SETD2: variants seen among roughly 807,000 people sequenced by gnomAD.
SETD2 encodes the protein histone-lysine N-methyltransferase SETD2.
Under a neutral mutation model 242.1 loss-of-function variants are expected in SETD2, and 31 were observed. That is an observed-to-expected ratio of 0.13 (90% confidence interval 0.10 to 0.17). The LOEUF (loss-of-function observed/expected upper bound fraction) is 0.17. Ranked by LOEUF, SETD2 falls within the 10% of genes least tolerant of loss-of-function variation. The probability of loss-of-function intolerance (pLI) is 1.00; values close to 1 mark genes in which losing one functional copy is unlikely to be tolerated. For missense variants in SETD2, 2,481 were observed against 3,046.3 expected, an observed-to-expected ratio of 0.81 and a Z score of 4.37; for synonymous variants, 1,006 against 1,066.5, an observed-to-expected ratio of 0.94 and a Z score of 1.11.
chr3:47,080,882 G>A (rs1009880754), intron 12 of SETD2: 3 of 986,860 alleles, frequency 3.0e-6, no homozygotes, highest in East Asian at 1.1e-4. Flanking sequence ...TAACGCCGGC[G>A]CCAGTGAGTT....
At chr3:47,159,675 C>CTGTA (rs1170649587) in intron 1 of SETD2, among the ~76,000 whole-genome samples, 1 of 152,188 alleles carries the variant, frequency 6.6e-6, no homozygotes, top group Non-Finnish European at 1.5e-5. Context: ...CTTTACAAGA[C>CTGTA]TGTAAAAAAG....
intron 8 of SETD2, chr3:47,098,376 T>C (rs2042085727): frequency 4.5e-6 from 1 of 221,380 alleles, no homozygotes; most frequent in Admixed American, 5.3e-5. Context: ...ATCATATACA[T>C]GTTTGGATTA....
At chr3:47,103,060 CAT>C (rs2042276417) in intron 7 of SETD2, among the ~76,000 whole-genome samples, 1 of 152,130 alleles carries the variant, frequency 6.6e-6, no homozygotes, top group African/African-American at 2.4e-5. Context: ...ATACGGTCTT[CAT>C]ATTACTTAAT....
At chr3:47,019,923 T>C (rs1221090492) in intron 18 of SETD2, 83 bp from the exon 19 acceptor site, 2 of 1,185,046 alleles carry the variant, frequency 1.7e-6, no homozygotes, top group East Asian at 2.3e-5. Context: ...CCCTCCTTTC[T>C]TTCCCCTAGC....
chr3:47,050,721 C>CTTTTTT (rs1207924691), intron 15 of SETD2, among the ~76,000 whole-genome samples: 5 of 70,376 alleles, frequency 7.1e-5, no homozygotes, highest in Admixed American at 1.4e-4. Flanking sequence ...CATTTCCTCT[C>CTTTTTT]TCTTTTTTTT....
At chr3:47,088,778 A>G (rs1410958272) in intron 9 of SETD2, among the ~76,000 whole-genome samples, 1 of 152,228 alleles carries the variant, frequency 6.6e-6, no homozygotes, top group South Asian at 2.1e-4. Flanking sequence ...AAAATAAAGC[A>G]TTAGCCTGAA....
intron 17 of SETD2, among the ~76,000 whole-genome samples, chr3:47,040,281 T>C (rs934963922): frequency 4.6e-5 from 7 of 152,094 alleles, no homozygotes; most frequent in South Asian, 2.1e-4. Context: ...ACCCAGCCTA[T>C]AGAAGCATTT....
At chr3:47,030,436 C>T (rs1385579825) in intron 18 of SETD2, among the ~76,000 whole-genome samples, 1 of 152,082 alleles carries the variant, frequency 6.6e-6, no homozygotes, top group Non-Finnish European at 1.5e-5. Context: ...ATGTGGTGCT[C>T]TGTGAGACAG....
chr3:47,127,658 T>G (rs921682078), intron 1 of SETD2: 1 of 364,512 alleles, frequency 2.7e-6, no homozygotes, highest in African/African-American at 2.1e-5. Context: ...GGTCAGGAGC[T>G]CGAGACCAGC....
rs903093178 is a variant in SETD2, at chr3:47,111,102, A to G, written c.4715+2774T>C. Among the ~76,000 whole-genome samples, 166 of 148,714 alleles carry G rather than the reference A, an allele frequency of 1.1e-3. 2 individuals carry two copies. Among genetic ancestry groups the G allele is most frequent in the Non-Finnish European group, 1.5e-3 (100 of 67,236 alleles). On this transcript the variant is annotated intron_variant, in intron 5 of 20. Coordinates refer to ENST00000409792, the MANE Select transcript of SETD2 (RefSeq NM_014159.7). ...TTTAAAAAAAAAAAAAAAAAAAAAA[A>G]AAAAAAAAATCTCAAGAAGGCCTGG...
intron 1 of SETD2, chr3:47,127,524 T>G (rs1435353322): frequency 2.2e-6 from 1 of 448,436 alleles, no homozygotes; most frequent in East Asian, 7.2e-5. Context: ...GTTCAGGAGT[T>G]CGAGACCACC....
chr3:47,081,119 T>C (rs2041298072), intron 12 of SETD2: 1 of 980,238 alleles, frequency 1.0e-6, no homozygotes, highest in Non-Finnish European at 1.2e-6. Flanking sequence ...AGGGGGATCA[T>C]CATCAGATCT....
At chr3:47,089,612 A>T (rs2041712677) in intron 9 of SETD2, among the ~76,000 whole-genome samples, 1 of 152,222 alleles carries the variant, frequency 6.6e-6, no homozygotes, top group Admixed American at 6.5e-5. Context: ...GGTGGGAATC[A>T]ACCTACCAAA....
In SETD2 at chr3:47,148,720, A is replaced by C. The variant is rs182993350; in HGVS notation, c.71+15134T>G. The stretch of plus-strand genomic sequence containing the variant: ...AATAAAAACCCCATTTTCCAGTAGG[A>C]AAAACTTTATAGACATCCAATCGAC... On this transcript the variant is annotated intron_variant, in intron 1 of 20. Transcript: ENST00000409792. 1.4e-3 allele frequency among the ~76,000 whole-genome samples: 218 copies of C among 152,346 alleles called. 4 individuals carry two copies. In the South Asian group the frequency reaches 0.023, roughly 16 times the overall value.
At chr3:47,025,030 CCA>C (rs1295982440) in intron 18 of SETD2, among the ~76,000 whole-genome samples, 1 of 152,214 alleles carries the variant, frequency 6.6e-6, no homozygotes, top group Non-Finnish European at 1.5e-5. Flanking sequence ...AATTATCTGA[CCA>C]TTATATGCCT....
rs763544216 is a variant in SETD2 at position 47,122,443 on chromosome 3, G to A, written c.2193C>T (p.Asp731=). Residue 731 remains aspartate (D), a synonymous_variant, in exon 3 of 21, where the codon GAC becomes GAT. Transcript: ENST00000409792. The stretch of plus-strand genomic sequence containing the variant: ...TATGCAGCATGCAGGTATCATCCAA[G>A]TCTTTTTCTTTGCACCTACTAATAT... ...FQNISRCKEK[D]LDDTCMLHKK... 6.2e-7 allele frequency: 1 copy of A among 1,614,124 alleles called. No individual in the cohort carries two copies. Among genetic ancestry groups the A allele is most frequent in the Non-Finnish European group, 8.5e-7 (1 of 1,180,014 alleles).
chr3:47,121,019 G>T lies in SETD2; in HGVS notation c.3617C>A (p.Ser1206Tyr), dbSNP rs2107748685. The change falls in exon 3 of 21, where the codon TCT becomes TAT. Residue 1206 changes from serine to tyrosine, a missense_variant. Coordinates refer to ENST00000409792, the MANE Select transcript of SETD2 (RefSeq NM_014159.7). ...SRQQEELPIY[S>Y]SDFEDVPNKS... Reference sequence around the variant, plus strand: ...ATTTGGGACATCTTCAAAATCAGAAGAATAAATTGGCAGCTCTTCTTGCTG... The same window carrying T: ...ATTTGGGACATCTTCAAAATCAGAATAATAAATTGGCAGCTCTTCTTGCTG... 2 of 1,614,212 alleles carry T rather than the reference G, an allele frequency of 1.2e-6. No homozygotes were observed. The highest frequency in any genetic ancestry group is 1.7e-6 in the Non-Finnish European group (2 of 1,180,016).
At position 47,084,133 on chromosome 3, in the gene SETD2, T is replaced by C; in HGVS notation, c.5647A>G (p.Ile1883Val). 1 of 1,614,184 alleles carries C rather than the reference T, an allele frequency of 6.2e-7. No individual in the cohort carries two copies. Among genetic ancestry groups the C allele is most frequent in the East Asian group, 2.2e-5 (1 of 44,886 alleles). ...CTGTCCATGCTATTTTCACTTATAA[T>C]TTTCAGTCTGCGAAACATTAGTTTC... ...PKKLMFRRLK[I>V]ISENSMDSAI... Residue 1883 changes from isoleucine to valine, a missense_variant, in exon 12 of 21, where the codon ATT becomes GTT. Coordinates refer to ENST00000409792, the MANE Select transcript of SETD2 (RefSeq NM_014159.7).
rs1332528713 is a variant in SETD2, at chr3:47,083,595, AAG to A, written c.6060+123_6060+124del. 4 of 885,846 alleles carry A rather than the reference AAG, an allele frequency of 4.5e-6. No individual in the cohort carries two copies. The African/African-American group carries it at 5.0e-5, about 11-fold the overall frequency. The allele number at this position is 885,846 out of a possible 1,614,324, so 54.9% of individuals were successfully genotyped here. On this transcript the variant is annotated intron_variant, in intron 12 of 20. Coordinates refer to ENST00000409792, the MANE Select transcript of SETD2 (RefSeq NM_014159.7). ...TTGAGACACTTATAAATAAAACAGTAAGAGAGACAGTATTCCATTTTTCAGAA... is the reference window on the plus strand; with the variant it reads ...TTGAGACACTTATAAATAAAACAGTAAGAGACAGTATTCCATTTTTCAGAA...
Sources: gnomAD v4.1 joint callset for allele counts (sites outside exome capture counted in the v4.1 genomes callset) on GRCh38, gnomAD v4.1.1 for gene constraint, MANE v1.5 for transcripts, NCBI Gene and HGNC (gene_info 2026-07-23, HGNC 2026-07-21) for gene names.